Variants in PTPRK observed in about 807,000 individuals in gnomAD.
The protein encoded by PTPRK is protein tyrosine phosphatase receptor type K, also known as receptor-type tyrosine-protein phosphatase kappa.
PTPRK carries 75 observed loss-of-function variants against 178.0 expected under a neutral mutation model. The observed-to-expected ratio is 0.42, with a 90% CI of 0.35 to 0.51. PTPRK has a LOEUF of 0.51. Among genes scored for constraint, PTPRK ranks in the 20% least tolerant of loss-of-function variants. The probability of loss-of-function intolerance (pLI) is 0.02; values close to 1 mark genes in which losing one functional copy is unlikely to be tolerated. For missense variants in PTPRK, 1,441 were observed against 1,797.8 expected, an observed-to-expected ratio of 0.80 and a Z score of 3.59; for synonymous variants, 637 against 620.6, an observed-to-expected ratio of 1.03 and a Z score of -0.39.
At chr6:128,415,315 A>C (rs889615397) in intron 1 of PTPRK, among the ~76,000 whole-genome samples, 1 of 152,218 alleles carries the variant, frequency 6.6e-6, no homozygotes, top group African/African-American at 2.4e-5. Flanking sequence ...TTTAATCTTG[A>C]GAAAAATCTG....
intron 7 of PTPRK, among the ~76,000 whole-genome samples, chr6:128,173,242 T>G (rs1800566633): frequency 6.6e-6 from 1 of 152,018 alleles, no homozygotes; most frequent in Non-Finnish European, 1.5e-5. Flanking sequence ...ATTTAAATAC[T>G]TGTGAACACA....
chr6:128,270,825 A>G (rs1819690108), intron 3 of PTPRK, among the ~76,000 whole-genome samples: 2 of 152,156 alleles, frequency 1.3e-5, no homozygotes, highest in Non-Finnish European at 2.9e-5. Context: ...GTTTAAATAG[A>G]CCAAGCATAC....
chr6:128,127,944 A>G (rs1793642034), intron 7 of PTPRK, among the ~76,000 whole-genome samples: 1 of 152,174 alleles, frequency 6.6e-6, no homozygotes, highest in Admixed American at 6.5e-5. Context: ...TAAACTATTA[A>G]TATACCCTTT....
chr6:128,519,310 G>A lies in PTPRK; in HGVS notation c.100+949C>T, dbSNP rs770730457. ...ACAAAACTGGAGGGGAACAGAGGGC[G>A]GGACCGGGAGAGCCAGGGTTCACGG... On this transcript the variant is annotated intron_variant, in intron 1 of 29. Transcript: ENST00000368226. The surrounding 1 kb of genome is among the most constrained non-coding windows in gnomAD (Gnocchi z 4.3). 3.3e-5 allele frequency among the ~76,000 whole-genome samples: 5 copies of A among 152,336 alleles called. No homozygotes were observed. The East Asian group carries it at 9.7e-4, about 29-fold the overall frequency.
chr6:128,246,772 C>G (rs1815539616), intron 3 of PTPRK, among the ~76,000 whole-genome samples: 1 of 152,212 alleles, frequency 6.6e-6, no homozygotes, highest in South Asian at 2.1e-4. Flanking sequence ...TTCCAGGAGG[C>G]CAGCCTGGGA....
intron 1 of PTPRK, among the ~76,000 whole-genome samples, chr6:128,423,521 T>A (rs1195542952): frequency 6.6e-6 from 1 of 152,118 alleles, no homozygotes; most frequent in Admixed American, 6.5e-5. Flanking sequence ...TCAATTTATT[T>A]GAACTTTTTT....
intron 3 of PTPRK, among the ~76,000 whole-genome samples, chr6:128,249,949 G>A (rs1219256965): frequency 6.6e-6 from 1 of 152,188 alleles, no homozygotes; most frequent in Non-Finnish European, 1.5e-5. Context: ...TGTTGTGGGA[G>A]GGACCCAGTG....
At chr6:128,487,281 C>G (rs1234139882) in intron 1 of PTPRK, among the ~76,000 whole-genome samples, 1 of 150,466 alleles carries the variant, frequency 6.6e-6, no homozygotes, top group Non-Finnish European at 1.5e-5. Flanking sequence ...GACACCTTGA[C>G]CGAAAGTCCC....
chr6:128,126,874 A>G (rs554775924), intron 7 of PTPRK, among the ~76,000 whole-genome samples: 21 of 152,354 alleles, frequency 1.4e-4, no homozygotes, highest in African/African-American at 5.1e-4. Flanking sequence ...ATGAAATGTC[A>G]AAGTAACTGT....
At chr6:128,212,467 G>T (rs1808379771) in intron 6 of PTPRK, among the ~76,000 whole-genome samples, 1 of 151,882 alleles carries the variant, frequency 6.6e-6, no homozygotes, top group Non-Finnish European at 1.5e-5. Flanking sequence ...AAGACACTCG[G>T]GCCATGTAGT....
intron 3 of PTPRK, among the ~76,000 whole-genome samples, chr6:128,256,565 G>A (rs1379158345): frequency 6.6e-6 from 1 of 151,584 alleles, no homozygotes; most frequent in Non-Finnish European, 1.5e-5. Context: ...AGCCTCCCGA[G>A]TAACTGGGAT....
At chr6:128,178,208 T>C (rs563513875) in intron 7 of PTPRK, among the ~76,000 whole-genome samples, 1 of 152,040 alleles carries the variant, frequency 6.6e-6, no homozygotes, top group East Asian at 1.9e-4. Context: ...AAGTATGTTA[T>C]ATTTTTATTG....
intron 3 of PTPRK, among the ~76,000 whole-genome samples, chr6:128,275,028 G>A (rs542629508): frequency 8.5e-4 from 129 of 152,026 alleles, no homozygotes; most frequent in African/African-American, 2.7e-3. Flanking sequence ...AAATCTGTGC[G>A]ATTGCAATAT....
chr6:128,248,639 G>C (rs1030067752), intron 3 of PTPRK, among the ~76,000 whole-genome samples: 2 of 152,138 alleles, frequency 1.3e-5, no homozygotes, highest in Admixed American at 6.6e-5. Flanking sequence ...GTGCCATTGA[G>C]ATCAGAAGTG....
At chr6:128,109,864 T>C (rs1017450555) in intron 7 of PTPRK, among the ~76,000 whole-genome samples, 62 of 152,290 alleles carry the variant, frequency 4.1e-4, no homozygotes, top group African/African-American at 1.4e-3. Context: ...GAGACTTCAA[T>C]TGATTCTCTC....
intron 8 of PTPRK, among the ~76,000 whole-genome samples, chr6:128,085,627 G>A (rs1180567970): frequency 1.3e-5 from 2 of 152,160 alleles, no homozygotes; most frequent in African/African-American, 4.8e-5. Context: ...TTCAATAATA[G>A]GGATGGTTTA....
chr6:128,025,881 A>T (rs1240622630), intron 13 of PTPRK, among the ~76,000 whole-genome samples: 1 of 152,230 alleles, frequency 6.6e-6, no homozygotes, highest in Non-Finnish European at 1.5e-5. Context: ...CTGTTAATCC[A>T]GTATAATCTA....
intron 13 of PTPRK, among the ~76,000 whole-genome samples, chr6:128,029,173 G>T (rs1774848338): frequency 1.3e-5 from 2 of 152,092 alleles, no homozygotes; most frequent in South Asian, 4.1e-4. Flanking sequence ...GTTCTTGTGA[G>T]ATCTGGTTGT....
intron 13 of PTPRK, among the ~76,000 whole-genome samples, chr6:128,010,174 T>C (rs939634588): frequency 4.6e-5 from 7 of 151,390 alleles, no homozygotes; most frequent in African/African-American, 9.7e-5. Context: ...AGAAAAAATC[T>C]ACTATATCTT....
Sources: allele counts gnomAD v4.1 joint callset (sites outside exome capture counted in the v4.1 genomes callset), GRCh38; gene constraint gnomAD v4.1.1; non-coding constraint Gnocchi (gnomAD v3.1); transcripts MANE v1.5; gene names NCBI Gene and HGNC (gene_info 2026-07-23, HGNC 2026-07-21).